ZSWIM8: variants seen among roughly 807,000 people sequenced by gnomAD.
ZSWIM8 encodes the protein zinc finger SWIM-type containing 8, also known as zinc finger SWIM domain-containing protein 8.
Under a neutral mutation model 173.7 loss-of-function variants are expected in ZSWIM8, and 27 were observed. The ratio of observed to expected loss-of-function variants is 0.16; its 90% CI spans 0.11 to 0.21. The LOEUF is 0.21. Ranked by LOEUF, ZSWIM8 falls within the 10% of genes least tolerant of loss-of-function variation. ZSWIM8 has a pLI of 1.00. For missense variants in ZSWIM8, 1,627 were observed against 2,428.8 expected (o/e 0.67, Z 6.94); for synonymous variants, 958 against 962.0 (o/e 1.00, Z 0.08).
In ZSWIM8 at chr10:73,794,229, G is replaced by A. The variant is rs548418162; in HGVS notation, c.2708G>A (p.Arg903Gln). The part of the protein sequence containing the change: ...PLGPSEMSTM[R>Q]CRAEELREGT... ...GGTCCAAGTGAGATGAGTACCATGCGGTGCCGGGCAGAGGAACTTCGGGAG... is the reference window on the plus strand; with the variant it reads ...GGTCCAAGTGAGATGAGTACCATGCAGTGCCGGGCAGAGGAACTTCGGGAG... The change falls in exon 13 of 26, where the codon CGG (arginine) becomes CAG (glutamine). Residue 903 changes from arginine (R) to glutamine (Q), a missense_variant. Arg to Gln is a conservative substitution (Grantham distance 43, BLOSUM62 1). Around this residue, in one of 18 missense-constraint regions of ZSWIM8, gnomAD observed 169 missense variants for 235.3 expected, o/e 0.72. Coordinates refer to ENST00000604729, the MANE Select transcript of ZSWIM8 (RefSeq NM_001367799.1). 1.9e-6 allele frequency: 3 copies of A among 1,614,008 alleles called. No individual in the cohort carries two copies. The highest frequency in any genetic ancestry group is 1.3e-5 in the African/African-American group (1 of 75,034).
In ZSWIM8 at chr10:73,792,314, G is replaced by A. The variant is rs1038656220; in HGVS notation, c.1775G>A (p.Gly592Asp). The A allele has an allele frequency of 6.2e-7, 1 of 1,612,722 alleles. No individual in the cohort carries two copies. The highest frequency in any genetic ancestry group is 8.5e-7 in the Non-Finnish European group (1 of 1,179,394). Reference protein sequence around the residue: ...GGKAKALGGAGSGSKGSAGGG... With the variant: ...GGKAKALGGADSGSKGSAGGG... ...AAAGCCAAGGCACTGGGTGGGGCTG[G>A]CAGTGGGAGCAAGGGCTCAGCAGGT... Residue 592 changes from glycine (G) to aspartate (D), a missense_variant, in exon 10 of 26, where the codon GGC becomes GAC. Physicochemically the swap from Gly to Asp is moderately conservative, Grantham distance 94 (BLOSUM62 -1). Transcript: ENST00000604729. This position sits in a 1 kb window ranked among gnomAD's most constrained non-coding sequence, Gnocchi z 4.3.
rs765219985 is a variant in ZSWIM8, at chr10:73,800,179, T to C, written c.4825+9T>C. On this transcript the variant is annotated intron_variant, in intron 22 of 25. Transcript: ENST00000604729. The surrounding 1 kb of genome is among the most constrained non-coding windows in gnomAD (Gnocchi z 4.1). The stretch of plus-strand genomic sequence containing the variant: ...GCCCACCAGTGTGGCCTGTGAGTTG[T>C]GGGGCCAGGGAACAGGTGAATGGAG... The C allele has an allele frequency of 3.4e-5, 55 of 1,613,282 alleles. No homozygotes were observed. Among genetic ancestry groups the C allele is most frequent in the Non-Finnish European group, 4.5e-5 (53 of 1,179,760 alleles).
chr10:73,798,133 T>A (rs996320938), intron 19 of ZSWIM8, 63 bp downstream of exon 19: 2 of 1,595,654 alleles, frequency 1.3e-6, no homozygotes, highest in Non-Finnish European at 1.7e-6. Flanking sequence ...AAGACCCTTA[T>A]CTTTGTGGGG....
chr10:73,798,161 AGAC>A lies in ZSWIM8; in HGVS notation c.3953-68_3953-66del. ...TTGTGGGGTTACTGATCTGATAAAA[AGAC>A]ATTATTCTCACACCCCAGTGGTGCC... On this transcript the variant is annotated intron_variant, in intron 19 of 25. Transcript: ENST00000604729. The A allele has an allele frequency of 2.5e-6, 4 of 1,596,494 alleles. No individual in the cohort carries two copies. In the South Asian group the frequency reaches 4.5e-5, roughly 18 times the overall value.
rs2083928834 is a variant in ZSWIM8, at chr10:73,800,964, C to A, written c.5123-53C>A. 6.7e-7 allele frequency: 1 copy of A among 1,490,240 alleles called. No individual in the cohort carries two copies. The highest frequency in any genetic ancestry group is 9.1e-7 in the Non-Finnish European group (1 of 1,102,734). The allele number at this position is 1,490,240 out of a possible 1,614,324, so 92.3% of individuals were successfully genotyped here. A position where few individuals can be genotyped will look rare whatever the true frequency, so the allele number is the denominator to read the frequency against. ...CAGAGCTGAGATCTGTAAGTTGGGTCCCTAGGGCAGAGGTGGCCACCCCCG... is the reference window on the plus strand; with the variant it reads ...CAGAGCTGAGATCTGTAAGTTGGGTACCTAGGGCAGAGGTGGCCACCCCCG... On this transcript the variant is annotated intron_variant, in intron 24 of 25. Transcript: ENST00000604729. This position sits in a 1 kb window ranked among gnomAD's most constrained non-coding sequence, Gnocchi z 4.1.
chr10:73,787,938 C>T (rs971579528), intron 1 of ZSWIM8, among the ~76,000 whole-genome samples: 4 of 152,152 alleles, frequency 2.6e-5, no homozygotes, highest in Non-Finnish European at 4.4e-5. Flanking sequence ...ATTTTCTGAT[C>T]TATTAATGTG....
Position 73,791,847 on chromosome 10 carries a change from T to A in ZSWIM8, c.1320-12T>A. 1 of 1,500,054 alleles carries A rather than the reference T, an allele frequency of 6.7e-7. No individual in the cohort carries two copies. The allele number at this position is 1,500,054 out of a possible 1,614,324, so 92.9% of individuals were successfully genotyped here. On this transcript the variant is annotated splice_polypyrimidine_tract_variant and intron_variant, in intron 9 of 25. Transcript: ENST00000604729. This position sits in a 1 kb window ranked among gnomAD's most constrained non-coding sequence, Gnocchi z 6.0. ...TAGCCCCTCAGCAGCCTCCTGCCCC[T>A]TGTTCCCACAGGCGCCGGGAACTGT...
chr10:73,789,923 T>C lies in ZSWIM8; in HGVS notation c.739-33T>C, dbSNP rs776400093. The C allele has an allele frequency of 3.5e-5, 56 of 1,604,942 alleles. No homozygotes were observed. The highest frequency in any genetic ancestry group is 4.8e-5 in the Non-Finnish European group (56 of 1,174,960). ...GGCCTCCATGGGTTCACCTAGGCCGTGTTCTGCCTGCCTCCGTCTCTTTCT... is the reference window on the plus strand; with the variant it reads ...GGCCTCCATGGGTTCACCTAGGCCGCGTTCTGCCTGCCTCCGTCTCTTTCT... On this transcript the variant is annotated intron_variant, in intron 5 of 25. Transcript: ENST00000604729. The surrounding 1 kb of genome is among the most constrained non-coding windows in gnomAD (Gnocchi z 6.8).
Position 73,797,855 on chromosome 10 carries a change from A to G in ZSWIM8, c.3737A>G (p.Tyr1246Cys). 1 of 1,613,532 alleles carries G rather than the reference A, an allele frequency of 6.2e-7. No homozygotes were observed. The highest frequency in any genetic ancestry group is 8.5e-7 in the Non-Finnish European group (1 of 1,179,846). ...NQPSEAAAHF[Y>C]FELAKTVLIK... ...CCATCAGAGGCAGCTGCACACTTCT[A>G]CTTCGAGCTGGCGAAGACAGTGCTG... Residue 1246 changes from tyrosine (Y) to cysteine (C), a missense_variant, in exon 19 of 26, where the codon TAC becomes TGC. Around this residue, in one of 18 missense-constraint regions of ZSWIM8, gnomAD observed 95 missense variants for 271.3 expected, o/e 0.35. Coordinates refer to ENST00000604729, the MANE Select transcript of ZSWIM8 (RefSeq NM_001367799.1). This position sits in a 1 kb window ranked among gnomAD's most constrained non-coding sequence, Gnocchi z 5.6.
At chr10:73,786,294 G>A in intron 1 of ZSWIM8, 3 of 568,756 alleles carry the variant, frequency 5.3e-6, no homozygotes, top group Non-Finnish European at 8.8e-6. Flanking sequence ...CCTTCCTGGG[G>A]TGGGCTGGCT....
intron 1 of ZSWIM8, among the ~76,000 whole-genome samples, chr10:73,786,893 G>T (rs892036933): frequency 2.0e-5 from 3 of 151,606 alleles, no homozygotes; most frequent in Admixed American, 6.6e-5. Context: ...AAACTGGCTT[G>T]TGGAGATTTC....
intron 21 of ZSWIM8, 29 bp downstream of exon 21, chr10:73,799,519 G>T: frequency 6.3e-7 from 1 of 1,586,398 alleles, no homozygotes; most frequent in Non-Finnish European, 8.6e-7. Context: ...TGGGGGGTAA[G>T]GCATGGGAAA....
At chr10:73,788,643 C>T (rs1368346374) in intron 1 of ZSWIM8, 27 bp from the exon 2 acceptor site, 1 of 1,612,514 alleles carries the variant, frequency 6.2e-7, no homozygotes, top group East Asian at 2.2e-5. Context: ...ATTCTCTTTC[C>T]CCTGATCCCA....
Position 73,791,771 on chromosome 10 carries a change from C to T in ZSWIM8, c.1320-88C>T. On this transcript the variant is annotated intron_variant, in intron 9 of 25. Coordinates refer to ENST00000604729, the MANE Select transcript of ZSWIM8 (RefSeq NM_001367799.1). The surrounding 1 kb of genome is among the most constrained non-coding windows in gnomAD (Gnocchi z 6.0). ...AAGAAGTACTTTCCTGTATCCTTTCCCCATGCCTCTCTTTGGGGTGTACAC... is the reference window on the plus strand; with the variant it reads ...AAGAAGTACTTTCCTGTATCCTTTCTCCATGCCTCTCTTTGGGGTGTACAC... 2.1e-6 allele frequency: 3 copies of T among 1,431,190 alleles called. No homozygotes were observed. The highest frequency in any genetic ancestry group is 2.8e-6 in the Non-Finnish European group (3 of 1,083,336). 88.7% of individuals were successfully genotyped at this position (1,431,190 alleles called of 1,614,324 possible). A position where few individuals can be genotyped will look rare whatever the true frequency, so the allele number is the denominator to read the frequency against.
chr10:73,791,612 G>C lies in ZSWIM8; in HGVS notation c.1319+113G>C. ...ACCATGATTTTAGTCCTCGGGAAAC[G>C]GGAGGTGCTGAGCACTGGTGTTAGC... On this transcript the variant is annotated intron_variant, in intron 9 of 25. Coordinates refer to ENST00000604729, the MANE Select transcript of ZSWIM8 (RefSeq NM_001367799.1). This position sits in a 1 kb window ranked among gnomAD's most constrained non-coding sequence, Gnocchi z 6.0. The C allele has an allele frequency of 7.8e-7, 1 of 1,282,082 alleles. No individual in the cohort carries two copies. Among genetic ancestry groups the C allele is most frequent in the South Asian group, 1.6e-5 (1 of 62,310 alleles). 79.4% of individuals were successfully genotyped at this position (1,282,082 alleles called of 1,614,324 possible).
chr10:73,792,639 C>G lies in ZSWIM8; in HGVS notation c.2100C>G (p.Asp700Glu), dbSNP rs144000079. The G allele has an allele frequency of 2.5e-6, 4 of 1,613,992 alleles. No individual in the cohort carries two copies. Among genetic ancestry groups the G allele is most frequent in the Non-Finnish European group, 3.4e-6 (4 of 1,179,878 alleles). ...TGCCTGGGGATGTCTGTACCCAGGACGACCTCCCTTCTACAGATGAGAGTG... is the reference window on the plus strand; with the variant it reads ...TGCCTGGGGATGTCTGTACCCAGGAGGACCTCCCTTCTACAGATGAGAGTG... ...GLLPGDVCTQ[D>E]DLPSTDESGN... Residue 700 changes from aspartate to glutamate, a missense_variant, in exon 10 of 26, where the codon GAC (aspartate) becomes GAG (glutamate). Physicochemically the swap from Asp to Glu is conservative, Grantham distance 45. Coordinates refer to ENST00000604729, the MANE Select transcript of ZSWIM8 (RefSeq NM_001367799.1). The surrounding 1 kb of genome is among the most constrained non-coding windows in gnomAD (Gnocchi z 4.3).
chr10:73,790,842 T>G (rs898418683), intron 7 of ZSWIM8, 133 bp from the exon 8 acceptor site: 1 of 726,052 alleles, frequency 1.4e-6, no homozygotes, highest in African/African-American at 1.8e-5. Context: ...GAGCAAGACT[T>G]GGTCTCAAAA....
Position 73,799,418 on chromosome 10 carries a change from T to C in ZSWIM8, c.4593T>C (p.Ala1531=). 1 of 1,610,186 alleles carries C rather than the reference T, an allele frequency of 6.2e-7. No homozygotes were observed. Among genetic ancestry groups the C allele is most frequent in the Non-Finnish European group, 8.5e-7 (1 of 1,178,390 alleles). The change falls in exon 21 of 26, where the codon GCT becomes GCC. Residue 1531 remains alanine (A), a synonymous_variant. Coordinates refer to ENST00000604729, the MANE Select transcript of ZSWIM8 (RefSeq NM_001367799.1). ...PCSPQYLTHP[A]HPAHPMPHMP... is the part of the protein sequence containing the mutation. The stretch of plus-strand genomic sequence containing the variant: ...GCCCTCAGTATCTCACTCACCCAGC[T>C]CACCCTGCCCACCCCATGCCTCACA...
At position 73,792,253 on chromosome 10, in the gene ZSWIM8, G is replaced by T. The variant is rs756756293; in HGVS notation, c.1714G>T (p.Asp572Tyr). ...CCGCCGCCTCTCAGCTGAAGGGGGAGATAAAGCTCTACATAAGATGGGTCC... is the reference window on the plus strand; with the variant it reads ...CCGCCGCCTCTCAGCTGAAGGGGGATATAAAGCTCTACATAAGATGGGTCC... ...GPRRLSAEGG[D>Y]KALHKMGPGG... Residue 572 changes from aspartate to tyrosine, a missense_variant, in exon 10 of 26, where the codon GAT becomes TAT. Asp to Tyr is a radical substitution (Grantham distance 160, BLOSUM62 -3). Transcript: ENST00000604729. This position sits in a 1 kb window ranked among gnomAD's most constrained non-coding sequence, Gnocchi z 4.3. 1 of 1,581,176 alleles carries T rather than the reference G, an allele frequency of 6.3e-7. No individual in the cohort carries two copies. Among genetic ancestry groups the T allele is most frequent in the Non-Finnish European group, 8.6e-7 (1 of 1,162,104 alleles).
Sources: gnomAD v4.1 joint callset for allele counts (sites outside exome capture counted in the v4.1 genomes callset) on GRCh38, gnomAD v4.1.1 for gene constraint, gnomAD v4.1.1 regional missense constraint, Gnocchi (gnomAD v3.1) non-coding constraint, MANE v1.5 for transcripts, NCBI Gene and HGNC (gene_info 2026-07-23, HGNC 2026-07-21) for gene names.